TNFRSF11A: variants seen among roughly 807,000 people sequenced by gnomAD.
TNFRSF11A encodes tumor necrosis factor receptor superfamily member 11A.
In TNFRSF11A, 32 loss-of-function variants were observed where a neutral mutation model predicts 55.7. The observed-to-expected ratio is 0.57, with a 90% confidence interval of 0.43 to 0.77. The LOEUF (loss-of-function observed/expected upper bound fraction) is 0.77. Ranked by LOEUF, TNFRSF11A falls within the 30% of genes least tolerant of loss-of-function variation. TNFRSF11A has a pLI of 0.00. For missense variants in TNFRSF11A, 753 were observed against 809.8 expected (o/e 0.93, Z 0.85); for synonymous variants, 311 against 331.0 (o/e 0.94, Z 0.65).
chr18:62,347,896 T>C (rs2046406740), intron 1 of TNFRSF11A, among the ~76,000 whole-genome samples: 1 of 116,574 alleles, frequency 8.6e-6, no homozygotes, highest in Non-Finnish European at 1.8e-5. Flanking sequence ...AGAGCAAGAC[T>C]CTGTCTAAAA....
intron 1 of TNFRSF11A, among the ~76,000 whole-genome samples, chr18:62,331,589 A>T (rs1461252691): frequency 6.6e-6 from 1 of 152,228 alleles, no homozygotes; most frequent in Non-Finnish European, 1.5e-5. Flanking sequence ...AGTTCAGCGT[A>T]GAGACAGAGC....
At position 62,368,775 on chromosome 18, in the gene TNFRSF11A, A is replaced by C. The variant is rs779851655; in HGVS notation, c.858A>C (p.Leu286Phe). 20 of 1,614,116 alleles carry C rather than the reference A, an allele frequency of 1.2e-5. No homozygotes were observed. The highest frequency in any genetic ancestry group is 1.6e-5 in the Non-Finnish European group (19 of 1,180,060). ...FGQQGACEGV[L>F]LLTLEEKTFP... ...AGCAGGGAGCATGTGAAGGTGTCTT[A>C]CTGCTGACTCTGGAGGAGAAGACAT... is the stretch of plus-strand genomic sequence containing the variant. The change falls in exon 9 of 10, where the codon TTA (leucine) becomes TTC (phenylalanine). Residue 286 changes from leucine (L) to phenylalanine (F), a missense_variant. Transcript: ENST00000586569.
chr18:62,384,872 G>A lies in TNFRSF11A; in HGVS notation c.1689G>A (p.Ala563=), dbSNP rs770842100. The change falls in exon 10 of 10, where the codon GCG becomes GCA. Residue 563 remains alanine, a synonymous_variant. Transcript: ENST00000586569. ...QTSQEGAAAA[A]EPMGRPVQEE... The stretch of plus-strand genomic sequence containing the variant: ...CGCAGGAGGGCGCGGCGGCGGCTGC[G>A]GAGCCCATGGGCCGCCCGGTGCAGG... 2.5e-6 allele frequency: 4 copies of A among 1,597,868 alleles called. No homozygotes were observed. The highest frequency in any genetic ancestry group is 1.1e-5 in the South Asian group (1 of 88,396).
chr18:62,358,095 A>ACACAGGGGTGGG, intron 4 of TNFRSF11A, 153 bp from the exon 5 acceptor site: 1 of 690,078 alleles, frequency 1.4e-6, no homozygotes, highest in Admixed American at 2.4e-5. Context: ...AAGAAGTTAG[A>ACACAGGGGTGGG]CACAGGGGTG....
intron 4 of TNFRSF11A, among the ~76,000 whole-genome samples, chr18:62,357,172 T>C (rs1909319473): frequency 6.6e-6 from 1 of 152,230 alleles, no homozygotes; most frequent in Non-Finnish European, 1.5e-5. Context: ...AAAGAAAATT[T>C]ATTTCCTTTT....
chr18:62,359,878 GGA>G, intron 5 of TNFRSF11A, 75 bp from the exon 6 acceptor site: 1 of 1,324,850 alleles, frequency 7.5e-7, no homozygotes, highest in South Asian at 1.2e-5. Context: ...TGGCAATCTG[GGA>G]GAGTTTTGCA....
chr18:62,378,577 A>AAG (rs1911053874), intron 9 of TNFRSF11A, among the ~76,000 whole-genome samples: 1 of 152,218 alleles, frequency 6.6e-6, no homozygotes, highest in African/African-American at 2.4e-5. Context: ...GGGAGGAGGA[A>AAG]TGCCACCATT....
intron 4 of TNFRSF11A, among the ~76,000 whole-genome samples, chr18:62,357,109 C>T (rs1909314633): frequency 6.6e-6 from 1 of 152,186 alleles, no homozygotes; most frequent in Admixed American, 6.5e-5. Context: ...GGTACCCTAC[C>T]TAGCCAGCCA....
chr18:62,384,353 C>T (rs866382151), intron 9 of TNFRSF11A, among the ~76,000 whole-genome samples: 1 of 136,222 alleles, frequency 7.3e-6, no homozygotes, highest in Non-Finnish European at 1.6e-5. Flanking sequence ...CCCTCCTTTA[C>T]CTCCCCTCCT....
At chr18:62,358,123 T>A in intron 4 of TNFRSF11A, 125 bp from the exon 5 acceptor site, 2 of 862,624 alleles carry the variant, frequency 2.3e-6, no homozygotes, top group South Asian at 2.8e-5. Flanking sequence ...GGGTGGGAGG[T>A]GAGGGCAGAG....
chr18:62,365,810 T>A (rs6567273), intron 7 of TNFRSF11A, among the ~76,000 whole-genome samples: 78,202 of 151,808 alleles, frequency 0.52, 20,347 homozygotes, highest in Middle Eastern at 0.6. Flanking sequence ...ATTTTTTATT[T>A]TTTTATTTTA....
rs1228112365 is a variant in TNFRSF11A, at chr18:62,387,789, T to C, written c.*2755T>C. The stretch of plus-strand genomic sequence containing the variant: ...ATGTGGTGGGGAAAATGGGATTATT[T>C]CAGTGTAACAAACCACCCAAAGACT... On this transcript the variant is annotated 3_prime_UTR_variant, in exon 10 of 10. Transcript: ENST00000586569. 1 of 151,684 alleles carries C rather than the reference T, an allele frequency of 6.6e-6. No individual in the cohort carries two copies. The allele number at this position is 151,684 out of a possible 1,614,324, so 9.4% of individuals were successfully genotyped here. A position where few individuals can be genotyped will look rare whatever the true frequency, so the allele number is the denominator to read the frequency against.
At chr18:62,338,029 T>C (rs750835350) in intron 1 of TNFRSF11A, among the ~76,000 whole-genome samples, 6 of 152,206 alleles carry the variant, frequency 3.9e-5, no homozygotes, top group Non-Finnish European at 8.8e-5. Context: ...TCAAGGAAGA[T>C]ACACAGGTGG....
At chr18:62,334,394 G>A (rs1277682045) in intron 1 of TNFRSF11A, among the ~76,000 whole-genome samples, 1 of 152,098 alleles carries the variant, frequency 6.6e-6, no homozygotes, top group Non-Finnish European at 1.5e-5. Context: ...CTGTGCTGTA[G>A]CCCTGGGTGT....
chr18:62,343,750 G>C (rs1379731385), intron 1 of TNFRSF11A, among the ~76,000 whole-genome samples: 1 of 152,178 alleles, frequency 6.6e-6, no homozygotes, highest in Non-Finnish European at 1.5e-5. Flanking sequence ...AGCAAGAGAA[G>C]TCAAATCATC....
chr18:62,373,428 G>A (rs1349608560), intron 9 of TNFRSF11A, among the ~76,000 whole-genome samples: 7 of 152,030 alleles, frequency 4.6e-5, no homozygotes, highest in African/African-American at 1.5e-4. Context: ...ACTCCAGCCT[G>A]GGCGGCAGAG....
chr18:62,348,693 A>C (rs2046420430), intron 2 of TNFRSF11A, among the ~76,000 whole-genome samples: 1 of 152,136 alleles, frequency 6.6e-6, no homozygotes. Context: ...TTTTCCATAT[A>C]CCTGTTGAGG....
intron 7 of TNFRSF11A, among the ~76,000 whole-genome samples, chr18:62,363,007 C>A (rs1212370180): frequency 1.3e-5 from 2 of 152,028 alleles, no homozygotes; most frequent in Non-Finnish European, 2.9e-5. Context: ...CCACGCCCAG[C>A]TAATTTTTGT....
chr18:62,361,647 T>G (rs2145331118), intron 6 of TNFRSF11A, 33 bp from the exon 7 acceptor site: 1 of 1,563,348 alleles, frequency 6.4e-7, no homozygotes, highest in Middle Eastern at 1.7e-4. Flanking sequence ...AAAGAATCTT[T>G]ACTACCATAT....
Sources: gnomAD v4.1 joint callset for allele counts (sites outside exome capture counted in the v4.1 genomes callset) on GRCh38, gnomAD v4.1.1 for gene constraint, MANE v1.5 for transcripts, NCBI Gene and HGNC (gene_info 2026-07-23, HGNC 2026-07-21) for gene names.